Variants in COL21A1 observed in about 807,000 individuals in gnomAD.
The protein encoded by COL21A1 is collagen type XXI alpha 1 chain.
In COL21A1, 149 loss-of-function variants were observed where a neutral mutation model predicts 137.9. That is an observed-to-expected ratio of 1.08 (90% confidence interval 0.95 to 1.24). The LOEUF (loss-of-function observed/expected upper bound fraction) is 1.24. COL21A1 is among the 50% of genes most tolerant of loss of function. COL21A1 has a pLI of 0.00. For missense variants in COL21A1, 1,167 were observed against 1,158.4 expected, an observed-to-expected ratio of 1.01 and a Z score of -0.11; for synonymous variants, 456 against 391.5, an observed-to-expected ratio of 1.16 and a Z score of -1.95.
rs575104711 is a variant in COL21A1, at chr6:56,059,973, A to T, written c.2608+45T>A. The stretch of plus-strand genomic sequence containing the variant: ...GGATATAGGGTATGAATTTTTAAAA[A>T]AAGACTTTTTAAAATTCATTTTCTT... On this transcript the variant is annotated intron_variant, in intron 28 of 29. Coordinates refer to ENST00000244728, the MANE Select transcript of COL21A1 (RefSeq NM_030820.4). 363 of 1,483,502 alleles carry T rather than the reference A, an allele frequency of 2.4e-4. 2 individuals carry two copies. In the East Asian group the frequency reaches 8.4e-3, roughly 34 times the overall value. The allele number at this position is 1,483,502 out of a possible 1,614,324, so 91.9% of individuals were successfully genotyped here. A position where few individuals can be genotyped will look rare whatever the true frequency, so the allele number is the denominator to read the frequency against.
intron 12 of COL21A1, among the ~76,000 whole-genome samples, chr6:56,133,923 C>T (rs1773775435): frequency 6.6e-6 from 1 of 152,178 alleles, no homozygotes; most frequent in African/African-American, 2.4e-5. Flanking sequence ...TGCCTGGATG[C>T]CCAGGCAGAA....
At chr6:56,289,513 C>G (rs781211715) in intron 1 of COL21A1, among the ~76,000 whole-genome samples, 43 of 152,130 alleles carry the variant, frequency 2.8e-4, no homozygotes, top group Non-Finnish European at 4.7e-4. Flanking sequence ...ATGATAATAC[C>G]TGGTTCTGAA....
At chr6:56,093,335 C>G (rs1255662016) in intron 17 of COL21A1, among the ~76,000 whole-genome samples, 1 of 152,094 alleles carries the variant, frequency 6.6e-6, no homozygotes, top group Non-Finnish European at 1.5e-5. Flanking sequence ...AAATTCTTAT[C>G]TAAATTAATA....
At chr6:56,304,164 G>A (rs2152337996) in intron 1 of COL21A1, among the ~76,000 whole-genome samples, 1 of 152,270 alleles carries the variant, frequency 6.6e-6, no homozygotes, top group East Asian at 1.9e-4. Flanking sequence ...TTGCATCGAT[G>A]TTCATCAGGG....
At chr6:56,224,134 A>G (rs1781043341) in intron 1 of COL21A1, among the ~76,000 whole-genome samples, 1 of 152,110 alleles carries the variant, frequency 6.6e-6, no homozygotes, top group African/African-American at 2.4e-5. Flanking sequence ...CACACCCACT[A>G]TGCACATAGC....
chr6:56,095,616 G>A (rs1389415823), intron 17 of COL21A1, among the ~76,000 whole-genome samples: 4 of 152,084 alleles, frequency 2.6e-5, no homozygotes, highest in Non-Finnish European at 5.9e-5. Context: ...TCCCTTTCAT[G>A]TACCGCATGG....
At chr6:56,330,192 A>T (rs1019505565) in intron 1 of COL21A1, among the ~76,000 whole-genome samples, 1 of 152,038 alleles carries the variant, frequency 6.6e-6, no homozygotes, top group South Asian at 2.1e-4. Flanking sequence ...TTTAAATATT[A>T]AATTTTTGAA....
At chr6:56,258,996 A>T (rs1426494129) in intron 1 of COL21A1, among the ~76,000 whole-genome samples, 1 of 152,170 alleles carries the variant, frequency 6.6e-6, no homozygotes, top group Non-Finnish European at 1.5e-5. Flanking sequence ...CCAAAACTAA[A>T]AATACCCATT....
At chr6:56,084,674 T>C (rs1313102270) in intron 17 of COL21A1, among the ~76,000 whole-genome samples, 6 of 152,090 alleles carry the variant, frequency 3.9e-5, no homozygotes, top group African/African-American at 1.4e-4. Context: ...AAATTTCTTG[T>C]CTTAAAAAGT....
At chr6:56,061,274 A>G in intron 25 of COL21A1, 1 of 526,838 alleles carries the variant, frequency 1.9e-6, no homozygotes, top group South Asian at 3.0e-5. Context: ...CTGATTGAGT[A>G]TATTGTATAG....
At position 56,124,264 on chromosome 6, in the gene COL21A1, C is replaced by A. The variant is rs1164620833; in HGVS notation, c.1679G>T (p.Gly560Val). The stretch of plus-strand genomic sequence containing the variant: ...AGCAGGTCCAGGGAGGCCAGGGAAG[C>A]CAGCATTCCCCTTTTCACCTTTTGC... ...KGAKGEKGNA[G>V]FPGLPGPAGE... Residue 560 changes from glycine (G) to valine (V), a missense_variant, in exon 15 of 30, where the codon GGC becomes GTC. Physicochemically the swap from Gly to Val is moderately radical, Grantham distance 109. Coordinates refer to ENST00000244728, the MANE Select transcript of COL21A1 (RefSeq NM_030820.4). The A allele has an allele frequency of 6.2e-7, 1 of 1,604,232 alleles. No homozygotes were observed. The highest frequency in any genetic ancestry group is 8.5e-7 in the Non-Finnish European group (1 of 1,175,038).
chr6:56,113,512 T>G (rs1771632924), intron 16 of COL21A1, among the ~76,000 whole-genome samples: 1 of 152,118 alleles, frequency 6.6e-6, no homozygotes. Context: ...CCTGCCAGCA[T>G]TCATCACCTG....
chr6:56,261,442 G>A (rs1483065397), intron 1 of COL21A1, among the ~76,000 whole-genome samples: 1 of 152,128 alleles, frequency 6.6e-6, no homozygotes, highest in African/African-American at 2.4e-5. Context: ...GGGATATTAG[G>A]TCGTAAGGGC....
At chr6:56,302,229 T>C (rs1764316701) in intron 1 of COL21A1, among the ~76,000 whole-genome samples, 4 of 151,876 alleles carry the variant, frequency 2.6e-5, no homozygotes, top group African/African-American at 7.2e-5. Context: ...TTTATAATCC[T>C]TTGGGTATAT....
intron 1 of COL21A1, among the ~76,000 whole-genome samples, chr6:56,255,334 G>GGGGTGT: frequency 6.9e-6 from 1 of 145,594 alleles, no homozygotes; most frequent in African/African-American, 2.6e-5. Context: ...TTGTTAAGAG[G>GGGGTGT]GTGTGTGTGT....
chr6:56,253,561 T>G (rs1782902864), intron 1 of COL21A1, among the ~76,000 whole-genome samples: 1 of 152,212 alleles, frequency 6.6e-6, no homozygotes, highest in Non-Finnish European at 1.5e-5. Context: ...ATCATTAGAG[T>G]AGCTACATCC....
chr6:56,266,432 T>G (rs1763392937), intron 1 of COL21A1, among the ~76,000 whole-genome samples: 1 of 152,202 alleles, frequency 6.6e-6, no homozygotes, highest in Non-Finnish European at 1.5e-5. Flanking sequence ...TGTCTACAGT[T>G]GCTTTCACAC....
intron 19 of COL21A1, 69 bp from the exon 20 acceptor site, chr6:56,074,354 C>T: frequency 1.0e-6 from 1 of 987,164 alleles, no homozygotes; most frequent in Non-Finnish European, 1.5e-6. Context: ...AATCAATTTC[C>T]AAGTTACACA....
intron 1 of COL21A1, among the ~76,000 whole-genome samples, chr6:56,190,256 G>A (rs1382355345): frequency 2.6e-5 from 4 of 152,064 alleles, no homozygotes; most frequent in Non-Finnish European, 5.9e-5. Context: ...TGATATAGGG[G>A]ATATCACCAC....
Sources: gnomAD v4.1 joint callset for allele counts (sites outside exome capture counted in the v4.1 genomes callset) on GRCh38, gnomAD v4.1.1 for gene constraint, MANE v1.5 for transcripts, NCBI Gene and HGNC (gene_info 2026-07-23, HGNC 2026-07-21) for gene names.